The following CD99L2 variants were observed in gnomAD, a reference collection of about 807,000 sequenced individuals.
CD99L2 encodes CD99 antigen-like protein 2.
Under a neutral mutation model 27.3 loss-of-function variants are expected in CD99L2, and 24 were observed. That is an observed-to-expected ratio of 0.88 (90% CI 0.64 to 1.24). CD99L2 has a LOEUF of 1.24. Among genes scored for constraint, CD99L2 ranks in the 50% most tolerant of loss-of-function variants. CD99L2 has a pLI of 0.00. For synonymous variants in CD99L2, 97 were observed against 87.9 expected, an observed-to-expected ratio of 1.10 and a Z score of -0.58; for missense variants, 255 against 221.6, an observed-to-expected ratio of 1.15 and a Z score of -0.96.
rs1318423129 is a variant in CD99L2 at position 150,766,672 on chromosome X, C to A, written c.*2362G>T. ...CCAGTCCTTTCAGTCCACTGTGTCT[C>A]CCCTCTCGCTTGGGACAGGCCCATG... On this transcript the variant is annotated 3_prime_UTR_variant, in exon 11 of 11. Transcript: ENST00000370377. 8.9e-6 allele frequency: 1 copy of A among 112,814 alleles called. No homozygotes were observed. Among genetic ancestry groups the A allele is most frequent in the Non-Finnish European group, 1.9e-5 (1 of 53,368 alleles). 9.3% of individuals were successfully genotyped at this position (112,814 alleles called of 1,213,427 possible).
intron 4 of CD99L2, among the ~76,000 whole-genome samples, chrX:150,799,001 T>C (rs1557420013): frequency 8.9e-6 from 1 of 112,458 alleles, no homozygotes; most frequent in African/African-American, 3.2e-5. Flanking sequence ...TCCACTTGCC[T>C]TGGCATCCCA....
At chrX:150,786,573 A>G (rs1038587009) in intron 7 of CD99L2, among the ~76,000 whole-genome samples, 1 of 111,764 alleles carries the variant, frequency 8.9e-6, no homozygotes, top group Non-Finnish European at 1.9e-5. Context: ...AAGGCTGTGT[A>G]GTATTTCCTG....
At chrX:150,811,853 T>C (rs782195864) in intron 4 of CD99L2, among the ~76,000 whole-genome samples, 2 of 112,057 alleles carry the variant, frequency 1.8e-5, no homozygotes, top group African/African-American at 3.2e-5. Context: ...AAAGAGTTCT[T>C]AGACTTGGCA....
At chrX:150,779,792 T>G (rs1418054807) in intron 7 of CD99L2, among the ~76,000 whole-genome samples, 1 of 112,248 alleles carries the variant, frequency 8.9e-6, no homozygotes, top group Non-Finnish European at 1.9e-5. Flanking sequence ...TTCTATTAGC[T>G]TGGGGTAAAA....
intron 1 of CD99L2, among the ~76,000 whole-genome samples, chrX:150,832,470 C>CA (rs1557421094): frequency 9.0e-6 from 1 of 111,500 alleles, no homozygotes; most frequent in African/African-American, 3.3e-5. Flanking sequence ...TCAAAAACTA[C>CA]AAAAATTAGC....
chrX:150,832,453 G>GTCTC (rs1302106997), intron 1 of CD99L2, among the ~76,000 whole-genome samples: 2 of 111,908 alleles, frequency 1.8e-5, no homozygotes, highest in Non-Finnish European at 3.8e-5. Context: ...GTGAAACTCT[G>GTCTC]TCTCTATCAA....
chrX:150,861,261 T>C (rs930387690), intron 1 of CD99L2, among the ~76,000 whole-genome samples: 2 of 107,810 alleles, frequency 1.9e-5, no homozygotes, highest in Non-Finnish European at 3.8e-5. Context: ...GAAAAAACAA[T>C]CCGAAAATTT....
intron 1 of CD99L2, among the ~76,000 whole-genome samples, chrX:150,860,227 C>T (rs781889627): frequency 3.6e-5 from 4 of 112,257 alleles, no homozygotes; most frequent in South Asian, 7.4e-4. Context: ...AAAAACCACA[C>T]GATCATTTCA....
intron 1 of CD99L2, among the ~76,000 whole-genome samples, chrX:150,883,352 C>A (rs1409805252): frequency 9.0e-6 from 1 of 111,470 alleles, no homozygotes; most frequent in Non-Finnish European, 1.9e-5. Context: ...GACAATCTTC[C>A]AAGGCAGGCA....
intron 2 of CD99L2, 59 bp downstream of exon 2, chrX:150,831,172 G>T: frequency 1.1e-6 from 1 of 898,098 alleles, no homozygotes; most frequent in Non-Finnish European, 1.6e-6. Flanking sequence ...ATTCTGAGTG[G>T]ATGATACACA....
At chrX:150,866,615 G>T (rs58981506) in intron 1 of CD99L2, among the ~76,000 whole-genome samples, 8 of 111,594 alleles carry the variant, frequency 7.2e-5, no homozygotes, top group African/African-American at 2.6e-4. Flanking sequence ...AATATAGTTA[G>T]AAAGATTAAG....
At chrX:150,797,221 T>C (rs12011604) in intron 4 of CD99L2, among the ~76,000 whole-genome samples, 10,628 of 110,661 alleles carry the variant, frequency 0.096, 476 homozygotes, top group African/African-American at 0.17. Flanking sequence ...AAACCAAAAG[T>C]TTATTTATAC....
chrX:150,793,407 T>C (rs1200894027), intron 7 of CD99L2, among the ~76,000 whole-genome samples: 1 of 112,581 alleles, frequency 8.9e-6, no homozygotes, highest in South Asian at 3.7e-4. Context: ...GTTATTATCA[T>C]TGGTGGTGTT....
At chrX:150,844,647 T>C (rs953991008) in intron 1 of CD99L2, among the ~76,000 whole-genome samples, 6 of 112,448 alleles carry the variant, frequency 5.3e-5, no homozygotes, top group Non-Finnish European at 9.4e-5. Flanking sequence ...GCATTGCAAG[T>C]GAACATGAAA....
intron 1 of CD99L2, among the ~76,000 whole-genome samples, chrX:150,861,872 C>T (rs67228852): frequency 9.4e-6 from 1 of 106,794 alleles, no homozygotes; most frequent in African/African-American, 3.4e-5. Flanking sequence ...CTCCACTGTA[C>T]TCCAGCCTGG....
intron 9 of CD99L2, 102 bp downstream of exon 9, chrX:150,776,072 G>C: frequency 9.6e-7 from 1 of 1,037,164 alleles, no homozygotes; most frequent in Non-Finnish European, 1.3e-6. Context: ...CTTGGGAGTG[G>C]GTCTCAGGCA....
chrX:150,771,157 G>T (rs1557419048), intron 9 of CD99L2, among the ~76,000 whole-genome samples: 1 of 111,857 alleles, frequency 8.9e-6, no homozygotes, highest in African/African-American at 3.3e-5. Context: ...CCGGGTCTGT[G>T]GGAAAACTGG....
intron 1 of CD99L2, among the ~76,000 whole-genome samples, chrX:150,845,072 AT>A (rs1368874650): frequency 8.9e-6 from 1 of 112,333 alleles, no homozygotes; most frequent in Non-Finnish European, 1.9e-5. Flanking sequence ...CACTTCGTTG[AT>A]GAGTTTGTAA....
intron 1 of CD99L2, among the ~76,000 whole-genome samples, chrX:150,848,116 C>G (rs1365797184): frequency 2.8e-5 from 3 of 107,103 alleles, no homozygotes; most frequent in Admixed American, 1.0e-4. Context: ...TGCAGGCCCC[C>G]CCCCCCTTGT....
Sources: gnomAD v4.1 joint callset for allele counts (sites outside exome capture counted in the v4.1 genomes callset) on GRCh38, gnomAD v4.1.1 for gene constraint, MANE v1.5 for transcripts, NCBI Gene and HGNC (gene_info 2026-07-23, HGNC 2026-07-21) for gene names.